The following ZNF786 variants were observed in gnomAD, a reference collection of about 807,000 sequenced individuals.
ZNF786 encodes the protein zinc finger protein 786.
In ZNF786, 56 loss-of-function variants were observed where a neutral mutation model predicts 63.1. The ratio of observed to expected loss-of-function variants is 0.89; its 90% CI spans 0.72 to 1.11. The LOEUF (loss-of-function observed/expected upper bound fraction) is 1.11. Ranked by LOEUF, ZNF786 falls within the 50% of genes least tolerant of loss-of-function variation. The pLI is 0.00. For missense variants in ZNF786, 1,213 were observed against 1,041.8 expected, an observed-to-expected ratio of 1.16 and a Z score of -2.26; for synonymous variants, 485 against 406.9, an observed-to-expected ratio of 1.19 and a Z score of -2.31.
Position 149,070,346 on chromosome 7 carries a change from A to C in ZNF786, c.*77T>G. The C allele has an allele frequency of 6.5e-7, 1 of 1,543,860 alleles. No homozygotes were observed. The highest frequency in any genetic ancestry group is 8.8e-7 in the Non-Finnish European group (1 of 1,142,140). Reference sequence around the variant, plus strand: ...TACCTGCTCCTAAAACCCGTCTACCAGCGGGTCTGGCTACTGTTGCTGTGG... The same window carrying C: ...TACCTGCTCCTAAAACCCGTCTACCCGCGGGTCTGGCTACTGTTGCTGTGG... On this transcript the variant is annotated 3_prime_UTR_variant, in exon 4 of 4. Coordinates refer to ENST00000491431, the MANE Select transcript of ZNF786 (RefSeq NM_152411.4).
chr7:149,071,227 G>C lies in ZNF786; in HGVS notation c.1545C>G (p.Gly515=). The stretch of plus-strand genomic sequence containing the variant: ...GCTTGCACTGGTGGGTGAAGCCTCT[G>C]CCACACTCGCTACAGGAGAACGGCC... ...GERPFSCSEC[G]RGFTHQCKLR... The change falls in exon 4 of 4, where the codon GGC becomes GGG. Residue 515 remains glycine (G), a synonymous_variant. Transcript: ENST00000491431. 1.2e-6 allele frequency: 2 copies of C among 1,611,296 alleles called. No homozygotes were observed. The highest frequency in any genetic ancestry group is 1.7e-6 in the Non-Finnish European group (2 of 1,178,242).
intron 1 of ZNF786, 149 bp downstream of exon 1, chr7:149,090,474 A>C: frequency 2.1e-6 from 2 of 933,496 alleles, no homozygotes; most frequent in African/African-American, 1.7e-5. Flanking sequence ...AGGGCCCGGA[A>C]TCCACATCCC....
chr7:149,075,658 T>TTTTTG (rs1200188188), intron 2 of ZNF786, among the ~76,000 whole-genome samples: 4 of 106,624 alleles, frequency 3.8e-5, no homozygotes, highest in Non-Finnish European at 7.7e-5. Context: ...ACTTCAGGTT[T>TTTTTG]TTTTTTTTTT....
intron 2 of ZNF786, among the ~76,000 whole-genome samples, chr7:149,076,831 T>A (rs936556874): frequency 1.3e-5 from 2 of 152,152 alleles, no homozygotes; most frequent in Admixed American, 1.3e-4. Flanking sequence ...CTTGGCTTCA[T>A]TTGTTTGATA....
At position 149,070,766 on chromosome 7, in the gene ZNF786, G is replaced by A. The variant is rs765249306; in HGVS notation, c.2006C>T (p.Thr669Met). Residue 669 changes from threonine to methionine, a missense_variant, in exon 4 of 4, where the codon ACG becomes ATG. Transcript: ENST00000491431. The stretch of plus-strand genomic sequence containing the variant: ...CTGAAAAGGCTTCTCTCCCGTGTGC[G>A]TTCTGATGTGCTCGATGAGCTTTGA... Reference protein sequence around the residue: ...KHSKLIEHIRTHTGEKPFQCP... With the variant: ...KHSKLIEHIRMHTGEKPFQCP... 1.5e-5 allele frequency: 25 copies of A among 1,613,244 alleles called. No individual in the cohort carries two copies. The South Asian group carries it at 2.2e-4, about 14-fold the overall frequency.
chr7:149,088,192 G>A (rs1291688897), intron 1 of ZNF786, among the ~76,000 whole-genome samples: 1 of 151,960 alleles, frequency 6.6e-6, no homozygotes, highest in Non-Finnish European at 1.5e-5. Context: ...TAGTAGAGAT[G>A]AGATTTCACC....
chr7:149,072,031 C>G lies in ZNF786; in HGVS notation c.741G>C (p.Lys247Asn). Reference sequence around the variant, plus strand: ...GCAGACACAGCTTCCGGCGGAAGCTCTTACCGCACACGCCACACCGGAAGT... The same window carrying G: ...GCAGACACAGCTTCCGGCGGAAGCTGTTACCGCACACGCCACACCGGAAGT... ...QRHFRCGVCG[K>N]SFRRKLCLLR... is the part of the protein sequence containing the mutation. The change falls in exon 4 of 4, where the codon AAG (lysine) becomes AAC (asparagine). Residue 247 changes from lysine (K) to asparagine (N), a missense_variant. Coordinates refer to ENST00000491431, the MANE Select transcript of ZNF786 (RefSeq NM_152411.4). 1 of 1,613,188 alleles carries G rather than the reference C, an allele frequency of 6.2e-7. No homozygotes were observed.
At chr7:149,073,871 A>C (rs1325160805) in intron 3 of ZNF786, among the ~76,000 whole-genome samples, 3 of 148,506 alleles carry the variant, frequency 2.0e-5, no homozygotes, top group Admixed American at 6.8e-5. Flanking sequence ...ATTCACTGCA[A>C]GCTCTGCCTC....
At position 149,080,663 on chromosome 7, in the gene ZNF786, C is replaced by A. The variant is rs1825634944; in HGVS notation, c.73G>T (p.Asp25Tyr). 6.2e-7 allele frequency: 1 copy of A among 1,611,912 alleles called. No individual in the cohort carries two copies. Among genetic ancestry groups the A allele is most frequent in the Non-Finnish European group, 8.5e-7 (1 of 1,179,536 alleles). ...AIYFSEQEWQDLEAWQKELYK... is the reference protein window; with the variant it reads ...AIYFSEQEWQYLEAWQKELYK... ...AGTTCCTTCTGCCATGCCTCTAGAT[C>A]CTGCCATTCTTGCTCGGAGAAATAA... is the stretch of plus-strand genomic sequence containing the variant. The change falls in exon 2 of 4, where the codon GAT (aspartate) becomes TAT (tyrosine). Residue 25 changes from aspartate to tyrosine, a missense_variant. Transcript: ENST00000491431.
At chr7:149,079,561 CT>C (rs1825617591) in intron 2 of ZNF786, among the ~76,000 whole-genome samples, 1 of 144,038 alleles carries the variant, frequency 6.9e-6, no homozygotes, top group African/African-American at 2.7e-5. Context: ...GAGACAGCTA[CT>C]CTTTTTTTTT....
chr7:149,071,164 G>A lies in ZNF786; in HGVS notation c.1608C>T (p.Pro536=), dbSNP rs780041268. 28 of 1,611,490 alleles carry A rather than the reference G, an allele frequency of 1.7e-5. No homozygotes were observed. The highest frequency in any genetic ancestry group is 2.3e-5 in the Non-Finnish European group (27 of 1,179,030). The change falls in exon 4 of 4, where the codon CCC becomes CCT. Residue 536 remains proline (P), a synonymous_variant. Transcript: ENST00000491431. ...GCTTGTCGCACTTCAGGCACTGGAA[G>A]GGCCTCTCCCCGCTGTGCACTCTCA... ...EHLRVHSGER[P]FQCLKCDKRF...
rs1418476346 is a variant in ZNF786, at chr7:149,072,045, C to T, written c.727G>A (p.Gly243Ser). The change falls in exon 4 of 4, where the codon GGC (glycine) becomes AGC (serine). Residue 243 changes from glycine to serine, a missense_variant. Coordinates refer to ENST00000491431, the MANE Select transcript of ZNF786 (RefSeq NM_152411.4). The part of the protein sequence containing the change: ...SPRVQRHFRC[G>S]VCGKSFRRKL... ...CGGCGGAAGCTCTTACCGCACACGCCACACCGGAAGTGCCTCTGTACCCGA... is the reference window on the plus strand; with the variant it reads ...CGGCGGAAGCTCTTACCGCACACGCTACACCGGAAGTGCCTCTGTACCCGA... 7 of 1,613,220 alleles carry T rather than the reference C, an allele frequency of 4.3e-6. No individual in the cohort carries two copies. The highest frequency in any genetic ancestry group is 5.9e-6 in the Non-Finnish European group (7 of 1,179,756).
chr7:149,085,752 A>T (rs1370445491), intron 1 of ZNF786, among the ~76,000 whole-genome samples: 1 of 151,986 alleles, frequency 6.6e-6, no homozygotes, highest in African/African-American at 2.4e-5. Context: ...CCTTTGTGTT[A>T]TCTCTGGTTT....
chr7:149,078,468 T>C (rs1825597087), intron 2 of ZNF786, among the ~76,000 whole-genome samples: 2 of 152,006 alleles, frequency 1.3e-5, no homozygotes, highest in African/African-American at 2.4e-5. Flanking sequence ...GTGAATCACC[T>C]GAGGTCGGGA....
intron 1 of ZNF786, among the ~76,000 whole-genome samples, chr7:149,081,851 T>C (rs1345153524): frequency 6.6e-6 from 1 of 151,834 alleles, no homozygotes; most frequent in Non-Finnish European, 1.5e-5. Flanking sequence ...TCCTAGAGAC[T>C]CCTCCAAAAG....
At position 149,071,124 on chromosome 7, in the gene ZNF786, C is replaced by T; in HGVS notation, c.1648G>A (p.Gly550Ser). 6.2e-7 allele frequency: 1 copy of T among 1,608,874 alleles called. No homozygotes were observed. The highest frequency in any genetic ancestry group is 1.1e-5 in the South Asian group (1 of 90,904). The change falls in exon 4 of 4, where the codon GGC (glycine) becomes AGC (serine). Residue 550 changes from glycine (G) to serine (S), a missense_variant. Transcript: ENST00000491431. The stretch of plus-strand genomic sequence containing the variant: ...GTGTGCTGGTGGGCCTTCAGGATGC[C>T]CTTCAGGCGGAAGCGCTTGTCGCAC... ...LKCDKRFRLK[G>S]ILKAHQHTHS... is the part of the protein sequence containing the mutation.
intron 1 of ZNF786, among the ~76,000 whole-genome samples, chr7:149,090,311 A>G (rs183915702): frequency 3.6e-3 from 541 of 152,048 alleles, no homozygotes; most frequent in Middle Eastern, 0.017. Flanking sequence ...CTGGCCCCAA[A>G]CCTTTCTATC....
At chr7:149,090,496 G>T in intron 1 of ZNF786, 127 bp downstream of exon 1, 1 of 1,098,930 alleles carries the variant, frequency 9.1e-7, no homozygotes, top group Non-Finnish European at 1.2e-6. Context: ...AGCAGAAGCA[G>T]CCTGCAGACT....
At chr7:149,089,071 C>T (rs1825786651) in intron 1 of ZNF786, among the ~76,000 whole-genome samples, 1 of 151,154 alleles carries the variant, frequency 6.6e-6, no homozygotes, top group Non-Finnish European at 1.5e-5. Context: ...CCTCAGCCTC[C>T]CGAGCAGCTG....
Sources: gnomAD v4.1 joint callset for allele counts (sites outside exome capture counted in the v4.1 genomes callset) on GRCh38, gnomAD v4.1.1 for gene constraint, MANE v1.5 for transcripts, NCBI Gene and HGNC (gene_info 2026-07-23, HGNC 2026-07-21) for gene names.